TUSC3: variants seen among roughly 807,000 people sequenced by gnomAD.
The protein encoded by TUSC3 is tumor suppressor candidate 3.
TUSC3 carries 45 observed loss-of-function variants against 44.8 expected under a neutral mutation model. The ratio of observed to expected loss-of-function variants is 1.00; its 90% CI spans 0.79 to 1.29. The LOEUF is 1.29. TUSC3 is among the 50% of genes most tolerant of loss of function. The probability of loss-of-function intolerance (pLI) is 0.00; values close to 1 mark genes in which losing one functional copy is unlikely to be tolerated. For synonymous variants in TUSC3, 212 were observed against 152.9 expected, an observed-to-expected ratio of 1.39 and a Z score of -2.85; for missense variants, 519 against 437.9, an observed-to-expected ratio of 1.19 and a Z score of -1.65.
chr8:15,807,007 G>A, the TUSC3 span: 61 of 1,451,094 alleles, frequency 4.2e-5, no homozygotes, highest in Middle Eastern at 1.7e-4. Flanking sequence ...ATTTTCCAAA[G>A]AAGGTGCTCC....
chr8:15,720,828 A>T (rs1810274817), intron 6 of TUSC3, among the ~76,000 whole-genome samples: 1 of 152,140 alleles, frequency 6.6e-6, no homozygotes, highest in Non-Finnish European at 1.5e-5. Flanking sequence ...AGTGACCACA[A>T]ATAAATACAA....
rs35757466 is a variant in TUSC3 at position 15,555,276 on chromosome 8, A to ATTTTTTTTT, written c.138+14735_138+14743dup. The stretch of plus-strand genomic sequence containing the variant: ...GTTCATGTGCCACCATGCCAGGCTA[A>ATTTTTTTTT]TTTTTTTTTTTTTTTTTTTTTTTTT... On this transcript the variant is annotated intron_variant, in intron 1 of 10. Transcript: ENST00000503731. Among the ~76,000 whole-genome samples, 41 of 44,890 alleles carry ATTTTTTTTT rather than the reference A, an allele frequency of 9.1e-4. 6 individuals are homozygous for ATTTTTTTTT. Among genetic ancestry groups the ATTTTTTTTT allele is most frequent in the African/African-American group, 3.5e-3 (32 of 9,144 alleles). The allele number at this position is 44,890 out of a possible 152,430, so 29.4% of individuals were successfully genotyped here.
intron 6 of TUSC3, among the ~76,000 whole-genome samples, chr8:15,678,982 G>A (rs980737715): frequency 2.6e-5 from 4 of 152,100 alleles, no homozygotes; most frequent in South Asian, 2.1e-4. Flanking sequence ...TATATGTACC[G>A]TATTTTCTTT....
At chr8:15,774,529 A>G in the TUSC3 span, among the ~76,000 whole-genome samples, 3 of 152,176 alleles carry the variant, frequency 2.0e-5, no homozygotes, top group Non-Finnish European at 4.4e-5. Flanking sequence ...TAAAGGTCTC[A>G]CAAGTAGCAT....
At chr8:15,706,506 G>A (rs1313917516) in intron 6 of TUSC3, among the ~76,000 whole-genome samples, 1 of 152,014 alleles carries the variant, frequency 6.6e-6, no homozygotes. Flanking sequence ...CATTCAGACA[G>A]ATGTCAGAGT....
At chr8:15,590,282 A>C (rs906966801) in intron 1 of TUSC3, among the ~76,000 whole-genome samples, 7 of 152,158 alleles carry the variant, frequency 4.6e-5, no homozygotes, top group Non-Finnish European at 1.0e-4. Context: ...GGAATTCCAG[A>C]GTATCTCCAG....
At chr8:15,463,385 A>G (rs915847914) in intron 1 of TUSC3, among the ~76,000 whole-genome samples, 5 of 152,168 alleles carry the variant, frequency 3.3e-5, no homozygotes, top group Non-Finnish European at 4.4e-5. Flanking sequence ...TAGTCTCAAC[A>G]TAAACATGGG....
intron 2 of TUSC3, among the ~76,000 whole-genome samples, chr8:15,490,957 C>T (rs1215962822): frequency 6.6e-6 from 1 of 152,044 alleles, no homozygotes; most frequent in African/African-American, 2.4e-5. Flanking sequence ...TGCTTTCTTC[C>T]AAAGAGGGTC....
chr8:15,452,033 T>G (rs1352871697), intron 1 of TUSC3, among the ~76,000 whole-genome samples: 2 of 152,134 alleles, frequency 1.3e-5, no homozygotes, highest in Admixed American at 1.3e-4. Flanking sequence ...AAGTAAAACA[T>G]GAAACCACTC....
At chr8:15,579,124 C>T (rs1296727991) in intron 1 of TUSC3, among the ~76,000 whole-genome samples, 1 of 151,994 alleles carries the variant, frequency 6.6e-6, no homozygotes, top group Non-Finnish European at 1.5e-5. Context: ...GTAGTATTCT[C>T]TGATATTAGT....
chr8:15,604,005 C>T (rs1804414430), intron 1 of TUSC3, among the ~76,000 whole-genome samples: 1 of 151,340 alleles, frequency 6.6e-6, no homozygotes, highest in Non-Finnish European at 1.5e-5. Flanking sequence ...CCTATGTGAC[C>T]ATTATTAAGA....
chr8:15,562,472 C>A (rs570027641), intron 1 of TUSC3, among the ~76,000 whole-genome samples: 1 of 152,092 alleles, frequency 6.6e-6, no homozygotes, highest in Non-Finnish European at 1.5e-5. Context: ...AAAATTGCCA[C>A]AATTTAGTGG....
At chr8:15,732,952 C>A (rs539535179) in intron 7 of TUSC3, among the ~76,000 whole-genome samples, 81 of 152,204 alleles carry the variant, frequency 5.3e-4, no homozygotes, top group African/African-American at 1.5e-3. Context: ...TACTTACTTG[C>A]CTGTATGCTT....
chr8:15,568,908 T>G (rs35349964), intron 1 of TUSC3, among the ~76,000 whole-genome samples: 24,020 of 152,082 alleles, frequency 0.16, 2,255 homozygotes, highest in Non-Finnish European at 0.21. Context: ...CATTCTAAGC[T>G]TTAACCTCAT....
rs562715420 is a variant in TUSC3, at chr8:15,504,952, G to A, written n.189+21469G>A. Among the ~76,000 whole-genome samples the A allele has an allele frequency of 1.4e-4, 21 of 151,804 alleles. No homozygotes were observed. In the South Asian group the frequency reaches 2.7e-3, roughly 20 times the overall value. On this transcript the variant is annotated intron_variant and non_coding_transcript_variant, in intron 2 of 5. Coordinates refer to the TUSC3 transcript ENST00000503191. The stretch of plus-strand genomic sequence containing the variant: ...CAGGCAATTTTGCGTCTTTCTTTCC[G>A]TAATTCATGTATTTTCTATTTCAAA...
intron 1 of TUSC3, among the ~76,000 whole-genome samples, chr8:15,552,403 G>A (rs78949525): frequency 0.031 from 4,719 of 151,750 alleles, 309 homozygotes; most frequent in East Asian, 0.22. Flanking sequence ...ACTGCTCATA[G>A]TTCAGTGGGA....
intron 6 of TUSC3, among the ~76,000 whole-genome samples, chr8:15,713,401 G>T (rs183004909): frequency 6.6e-6 from 1 of 152,158 alleles, no homozygotes; most frequent in African/African-American, 2.4e-5. Flanking sequence ...TTGTTCAAAA[G>T]AAAGCTGACA....
intron 1 of TUSC3, among the ~76,000 whole-genome samples, chr8:15,428,435 T>A (rs1799832785): frequency 6.6e-6 from 1 of 151,988 alleles, no homozygotes; most frequent in East Asian, 1.9e-4. Context: ...AACATACGTG[T>A]GCATGTGTCT....
chr8:15,496,167 T>G (rs1181726319), intron 2 of TUSC3, among the ~76,000 whole-genome samples: 1 of 152,180 alleles, frequency 6.6e-6, no homozygotes. Flanking sequence ...TGATAAATGA[T>G]GTACTCTCTG....
Sources: allele counts gnomAD v4.1 joint callset (sites outside exome capture counted in the v4.1 genomes callset), GRCh38; gene constraint gnomAD v4.1.1; transcripts MANE v1.5; gene names NCBI Gene and HGNC (gene_info 2026-07-23, HGNC 2026-07-21).